Variants in PDE4B observed in about 807,000 individuals in gnomAD.
PDE4B encodes the protein 3',5'-cyclic-AMP phosphodiesterase 4B.
PDE4B carries 20 observed loss-of-function variants against 82.2 expected under a neutral mutation model. That is an observed-to-expected ratio of 0.24 (90% confidence interval 0.17 to 0.35). The LOEUF is 0.35. Ranked by LOEUF, PDE4B falls within the 10% of genes least tolerant of loss-of-function variation. The probability of loss-of-function intolerance (pLI) is 1.00; values close to 1 mark genes in which losing one functional copy is unlikely to be tolerated. For missense variants in PDE4B, 655 were observed against 907.2 expected (o/e 0.72, Z 3.57); for synonymous variants, 320 against 318.9 (o/e 1.00, Z -0.04).
chr1:66,139,747 A>C (rs1040754852), intron 3 of PDE4B, among the ~76,000 whole-genome samples: 13 of 149,142 alleles, frequency 8.7e-5, no homozygotes, highest in Middle Eastern at 3.4e-3. Context: ...AAAAAAAAAA[A>C]AAAAACAAAA....
At chr1:66,021,124 T>C (rs1255402577) in intron 3 of PDE4B, among the ~76,000 whole-genome samples, 1 of 152,316 alleles carries the variant, frequency 6.6e-6, no homozygotes, top group African/African-American at 2.4e-5. Context: ...CTTTTGAGAA[T>C]TGTCTGTTTA....
intron 1 of PDE4B, among the ~76,000 whole-genome samples, chr1:65,866,120 T>G (rs1225383098): frequency 6.6e-6 from 1 of 152,230 alleles, no homozygotes; most frequent in Admixed American, 6.5e-5. Flanking sequence ...TTAGTTCCAA[T>G]CTTGGGAAAG....
intron 3 of PDE4B, among the ~76,000 whole-genome samples, chr1:65,985,737 G>A (rs1441222721): frequency 1.3e-5 from 2 of 152,082 alleles, no homozygotes. Flanking sequence ...AGGGAAGAAA[G>A]AGAGGAACTC....
chr1:66,043,067 G>A (rs932275685), intron 3 of PDE4B, among the ~76,000 whole-genome samples: 3 of 151,760 alleles, frequency 2.0e-5, no homozygotes, highest in South Asian at 2.1e-4. Flanking sequence ...CCAGCTTTAG[G>A]GAGGTCTCAT....
intron 7 of PDE4B, among the ~76,000 whole-genome samples, chr1:66,277,367 A>ATTTAT (rs914065902): frequency 3.7e-4 from 56 of 152,164 alleles, no homozygotes; most frequent in Non-Finnish European, 6.5e-4. Flanking sequence ...TATGCATTCT[A>ATTTAT]TTTATTTTAT....
At chr1:66,118,634 G>T (rs1443881289) in intron 3 of PDE4B, among the ~76,000 whole-genome samples, 1 of 152,060 alleles carries the variant, frequency 6.6e-6, no homozygotes, top group African/African-American at 2.4e-5. Context: ...GTTAATGGGT[G>T]CAGCACACCA....
intron 7 of PDE4B, among the ~76,000 whole-genome samples, chr1:66,301,561 CTT>C (rs11324517): frequency 1.4e-4 from 21 of 145,514 alleles, no homozygotes; most frequent in East Asian, 7.9e-4. Context: ...TAGGACAATG[CTT>C]TTTTTTTTTT....
At chr1:66,059,457 C>A (rs1337377162) in intron 3 of PDE4B, among the ~76,000 whole-genome samples, 1 of 152,178 alleles carries the variant, frequency 6.6e-6, no homozygotes, top group Non-Finnish European at 1.5e-5. Context: ...CTGATAAAGA[C>A]ATACTGGAGA....
At chr1:66,063,307 C>T (rs998565012) in intron 3 of PDE4B, among the ~76,000 whole-genome samples, 1 of 151,952 alleles carries the variant, frequency 6.6e-6, no homozygotes, top group African/African-American at 2.4e-5. Context: ...CCCTGGCTAT[C>T]CTTTAGAATT....
At chr1:65,852,941 G>T (rs1293630262) in intron 1 of PDE4B, among the ~76,000 whole-genome samples, 1 of 151,916 alleles carries the variant, frequency 6.6e-6, no homozygotes, top group Non-Finnish European at 1.5e-5. Context: ...CTTACAGATT[G>T]CCTGTCTGCT....
intron 3 of PDE4B, chr1:65,992,902 A>G (rs745610915): frequency 1.9e-6 from 3 of 1,613,130 alleles, no homozygotes; most frequent in Non-Finnish European, 1.7e-6. Flanking sequence ...CACTCCTTAC[A>G]AGACATGACA....
In PDE4B at chr1:66,252,055, A is replaced by G. The variant is rs77868608; in HGVS notation, c.476+4401A>G. Reference sequence around the variant, plus strand: ...GATATTCATGTAAAAGAGGATGGGGATTTATATTACAGATGATCTAGTGAG... The same window carrying G: ...GATATTCATGTAAAAGAGGATGGGGGTTTATATTACAGATGATCTAGTGAG... On this transcript the variant is annotated intron_variant, in intron 4 of 16. Transcript: ENST00000341517. 2.7e-3 allele frequency among the ~76,000 whole-genome samples: 418 copies of G among 152,270 alleles called. 1 individual carries two copies. The highest frequency in any genetic ancestry group is 9.6e-3 in the African/African-American group (397 of 41,554).
chr1:66,351,321 G>A (rs1661801147), intron 8 of PDE4B, among the ~76,000 whole-genome samples: 2 of 152,204 alleles, frequency 1.3e-5, no homozygotes. Flanking sequence ...TTAAAATAAT[G>A]TGTTCCTGTT....
intron 3 of PDE4B, among the ~76,000 whole-genome samples, chr1:66,080,869 C>A (rs1394867025): frequency 1.4e-5 from 2 of 140,868 alleles, no homozygotes; most frequent in Admixed American, 1.4e-4. Context: ...GAGCACAGTA[C>A]CCAATAGGTA....
chr1:65,813,308 G>A (rs1200674764), intron 1 of PDE4B, among the ~76,000 whole-genome samples: 1 of 152,162 alleles, frequency 6.6e-6, no homozygotes, highest in African/African-American at 2.4e-5. Flanking sequence ...ACAGTAATAT[G>A]CAAGTTACTA....
At chr1:65,848,285 T>C (rs1175510376) in intron 1 of PDE4B, among the ~76,000 whole-genome samples, 15 of 152,004 alleles carry the variant, frequency 9.9e-5, no homozygotes, top group Admixed American at 8.5e-4. Flanking sequence ...ACTACAGGCA[T>C]GTGCCACCAC....
chr1:65,995,921 C>T (rs1227194789), intron 3 of PDE4B, among the ~76,000 whole-genome samples: 1 of 152,176 alleles, frequency 6.6e-6, no homozygotes, highest in Non-Finnish European at 1.5e-5. Context: ...TGCAAACCCA[C>T]TAAACAGTTT....
At chr1:66,249,495 G>T (rs1653584657) in intron 4 of PDE4B, among the ~76,000 whole-genome samples, 2 of 152,044 alleles carry the variant, frequency 1.3e-5, no homozygotes, top group Non-Finnish European at 2.9e-5. Flanking sequence ...TCATTATTTG[G>T]AATCAAAAGG....
At chr1:65,941,203 G>T (rs1390820824) in intron 3 of PDE4B, among the ~76,000 whole-genome samples, 3 of 151,968 alleles carry the variant, frequency 2.0e-5, no homozygotes, top group Non-Finnish European at 4.4e-5. Context: ...GCCAAGGAGT[G>T]CAGAGGAATT....
Sources: allele counts gnomAD v4.1 joint callset (sites outside exome capture counted in the v4.1 genomes callset), GRCh38; gene constraint gnomAD v4.1.1; transcripts MANE v1.5; gene names NCBI Gene and HGNC (gene_info 2026-07-23, HGNC 2026-07-21).